The following SMCO2 variants were observed in gnomAD, a reference collection of about 807,000 sequenced individuals.
The protein encoded by SMCO2 is single-pass membrane and coiled-coil domain-containing protein 2.
In SMCO2, 25 loss-of-function variants were observed where a neutral mutation model predicts 29.5. The observed-to-expected ratio is 0.85, with a 90% confidence interval of 0.62 to 1.18. The LOEUF (loss-of-function observed/expected upper bound fraction) is 1.18. Ranked by LOEUF, SMCO2 falls within the 50% of genes most tolerant of loss-of-function variation. The pLI is 0.00. For synonymous variants in SMCO2, 117 were observed against 123.3 expected (o/e 0.95, Z 0.34); for missense variants, 348 against 344.5 (o/e 1.01, Z -0.08).
intron 7 of SMCO2, chr12:27,498,114 G>T: frequency 2.8e-6 from 1 of 351,472 alleles, no homozygotes. Flanking sequence ...GTTGCTTATG[G>T]CTGTATCAAA....
chr12:27,466,872 C>T (rs1267190018), exon 1 of SMCO2: 1 of 152,220 alleles, frequency 6.6e-6, no homozygotes. Context: ...GGAAAGGAGG[C>T]TCTGGCACCA....
chr12:27,426,835 C>T, the SMCO2 span, among the ~76,000 whole-genome samples: 4 of 152,078 alleles, frequency 2.6e-5, no homozygotes, highest in African/African-American at 9.7e-5. Flanking sequence ...TTTGGGAAGA[C>T]GTATATCTAC....
chr12:27,478,398 C>A (rs1370663267), intron 4 of SMCO2, among the ~76,000 whole-genome samples: 1 of 152,094 alleles, frequency 6.6e-6, no homozygotes, highest in Non-Finnish European at 1.5e-5. Flanking sequence ...GGCTTCTAGG[C>A]AGCTTGCTTG....
the SMCO2 span, among the ~76,000 whole-genome samples, chr12:27,453,626 C>G: frequency 2.6e-4 from 39 of 152,204 alleles, no homozygotes; most frequent in Middle Eastern, 3.4e-3. Flanking sequence ...GATATGGTTG[C>G]CTCTCCTCCC....
At chr12:27,458,606 C>A in the SMCO2 span, among the ~76,000 whole-genome samples, 4 of 152,190 alleles carry the variant, frequency 2.6e-5, no homozygotes, top group East Asian at 1.9e-4. Flanking sequence ...AAATTCCCGG[C>A]CTGGCACAGT....
chr12:27,473,603 G>A (rs1410784606), intron 3 of SMCO2, among the ~76,000 whole-genome samples: 3 of 152,062 alleles, frequency 2.0e-5, no homozygotes, highest in Non-Finnish European at 4.4e-5. Flanking sequence ...ATGACCTTGG[G>A]CAAGTCACTA....
intron 7 of SMCO2, chr12:27,498,003 T>C: frequency 3.5e-6 from 1 of 288,188 alleles, no homozygotes; most frequent in Non-Finnish European, 7.0e-6. Context: ...GTTCATCTCG[T>C]AGACCTGGAA....
At chr12:27,483,500 C>A (rs748268257) in intron 4 of SMCO2, among the ~76,000 whole-genome samples, 2 of 152,046 alleles carry the variant, frequency 1.3e-5, no homozygotes, top group Non-Finnish European at 2.9e-5. Context: ...TCACTGCAGC[C>A]TTGAACTCCT....
the SMCO2 span, among the ~76,000 whole-genome samples, chr12:27,456,641 C>G: frequency 1.3e-5 from 2 of 152,162 alleles, no homozygotes; most frequent in Non-Finnish European, 2.9e-5. Context: ...AAATCAGTTT[C>G]TTCCTTTTTG....
chr12:27,433,237 C>A, the SMCO2 span, among the ~76,000 whole-genome samples: 1 of 152,118 alleles, frequency 6.6e-6, no homozygotes, highest in Non-Finnish European at 1.5e-5. Flanking sequence ...AAGATCCATT[C>A]TCTTTTATCA....
the SMCO2 span, among the ~76,000 whole-genome samples, chr12:27,435,844 G>A: frequency 3.9e-5 from 6 of 152,168 alleles, no homozygotes; most frequent in African/African-American, 4.8e-5. Flanking sequence ...GTGAGGCAGC[G>A]TGGGGTTCTT....
the SMCO2 span, among the ~76,000 whole-genome samples, chr12:27,431,197 A>G: frequency 4.6e-4 from 70 of 152,162 alleles, no homozygotes; most frequent in African/African-American, 1.7e-3. Context: ...TTAAATTTTT[A>G]GTAGAGATGG....
chr12:27,477,331 T>C lies in SMCO2; in HGVS notation c.362+2418T>C, dbSNP rs148991821. Among the ~76,000 whole-genome samples the C allele has an allele frequency of 1.1e-3, 164 of 151,870 alleles. 3 individuals are homozygous for C. In the East Asian group the frequency reaches 0.012, roughly 11 times the overall value. On this transcript the variant is annotated intron_variant, in intron 4 of 7. Transcript: ENST00000298876. ...TTAGTCTGATGGGGATTCCCTTATATGTGACTTGACACTTTTCTTTTGCTG... is the reference window on the plus strand; with the variant it reads ...TTAGTCTGATGGGGATTCCCTTATACGTGACTTGACACTTTTCTTTTGCTG...
chr12:27,455,423 C>G, the SMCO2 span, among the ~76,000 whole-genome samples: 1 of 152,142 alleles, frequency 6.6e-6, no homozygotes, highest in Non-Finnish European at 1.5e-5. Flanking sequence ...TTTTCTGGGT[C>G]AAAAGATAAG....
the SMCO2 span, among the ~76,000 whole-genome samples, chr12:27,448,992 C>T: frequency 0.023 from 3,431 of 152,232 alleles, 138 homozygotes; most frequent in African/African-American, 0.079. Context: ...GGAAACTGTC[C>T]ATCCACTGCA....
chr12:27,431,215 C>G, the SMCO2 span, among the ~76,000 whole-genome samples: 3,383 of 152,114 alleles, frequency 0.022, 134 homozygotes, highest in African/African-American at 0.077. Context: ...TGGGTTTTCG[C>G]CATGTTGGCC....
chr12:27,441,131 C>T, the SMCO2 span, among the ~76,000 whole-genome samples: 6 of 151,714 alleles, frequency 4.0e-5, no homozygotes, highest in Non-Finnish European at 8.8e-5. Context: ...CGGTGGCACA[C>T]GCCTGTAGTC....
chr12:27,425,942 A>C, the SMCO2 span, among the ~76,000 whole-genome samples: 2 of 152,172 alleles, frequency 1.3e-5, no homozygotes, highest in East Asian at 3.8e-4. Context: ...ATTTAATCAG[A>C]ATTAAAATGT....
intron 5 of SMCO2, among the ~76,000 whole-genome samples, chr12:27,491,956 C>A (rs1029357418): frequency 5.3e-5 from 8 of 152,042 alleles, no homozygotes; most frequent in Non-Finnish European, 8.8e-5. Flanking sequence ...GCGATTCTCC[C>A]ACCTCAGCCT....
Sources: allele counts gnomAD v4.1 joint callset (sites outside exome capture counted in the v4.1 genomes callset), GRCh38; gene constraint gnomAD v4.1.1; transcripts MANE v1.5; gene names NCBI Gene and HGNC (gene_info 2026-07-23, HGNC 2026-07-21).